The following SUFU variants were observed in gnomAD, a reference collection of about 807,000 sequenced individuals.
SUFU encodes the protein SUFU negative regulator of hedgehog signaling.
SUFU carries 7 observed loss-of-function variants against 58.9 expected under a neutral mutation model. That is an observed-to-expected ratio of 0.12 (90% CI 0.07 to 0.22). The LOEUF (loss-of-function observed/expected upper bound fraction) is 0.22. Ranked by LOEUF, SUFU falls within the 10% of genes least tolerant of loss-of-function variation. The pLI, the probability that SUFU is intolerant of heterozygous loss-of-function variation, is 1.00. For synonymous variants in SUFU, 232 were observed against 254.8 expected (o/e 0.91, Z 0.85); for missense variants, 451 against 641.3 (o/e 0.70, Z 3.20).
intron 10 of SUFU, among the ~76,000 whole-genome samples, chr10:102,621,833 G>A (rs1010600618): frequency 6.6e-6 from 1 of 152,188 alleles, no homozygotes; most frequent in African/African-American, 2.4e-5. Flanking sequence ...GGAAGGAGTG[G>A]GCATTGTCAG....
At chr10:102,518,515 GTCTGTCTA>G (rs1554842619) in intron 2 of SUFU, among the ~76,000 whole-genome samples, 3 of 114,226 alleles carry the variant, frequency 2.6e-5, no homozygotes, top group Non-Finnish European at 5.3e-5. Context: ...CTGTCTGTCT[GTCTGTCTA>G]TCTATCTATC....
At chr10:102,618,931 C>CGGGTGTGT (rs370307566) in intron 10 of SUFU, 2 of 535,024 alleles carry the variant, frequency 3.7e-6, no homozygotes, top group East Asian at 4.3e-5. Context: ...CCTCAGGTAG[C>CGGGTGTGT]GTGTGTGTGT....
chr10:102,555,593 C>G (rs2062967118), intron 3 of SUFU, among the ~76,000 whole-genome samples: 1 of 152,192 alleles, frequency 6.6e-6, no homozygotes, highest in African/African-American at 2.4e-5. Flanking sequence ...AAGTCTTAGG[C>G]AAATCAAACC....
chr10:102,505,613 G>C (rs923761835), intron 1 of SUFU, among the ~76,000 whole-genome samples: 1 of 152,216 alleles, frequency 6.6e-6, no homozygotes, highest in African/African-American at 2.4e-5. Context: ...GCTGAGGCCA[G>C]CTGCCCGCAT....
chr10:102,589,958 C>A (rs911549195), intron 3 of SUFU, among the ~76,000 whole-genome samples: 2 of 151,226 alleles, frequency 1.3e-5, no homozygotes, highest in African/African-American at 2.4e-5. Flanking sequence ...TATTCCAAAT[C>A]TGAGTTTTTT....
chr10:102,632,207 G>T lies in SUFU; in HGVS notation c.*2052G>T. ...CTGAGCTAAGCTTTGTCATTAGTTT[G>T]TGAAGCACCTGGTCAGCAACCTGCC... On this transcript the variant is annotated 3_prime_UTR_variant, in exon 12 of 12. Coordinates refer to ENST00000369902, the MANE Select transcript of SUFU (RefSeq NM_016169.4). The T allele has an allele frequency of 4.3e-6, 1 of 233,314 alleles. No individual in the cohort carries two copies. The highest frequency in any genetic ancestry group is 6.0e-5 in the East Asian group (1 of 16,596). The allele number at this position is 233,314 out of a possible 1,614,324, so 14.5% of individuals were successfully genotyped here.
chr10:102,619,441 T>C lies in SUFU; in HGVS notation c.1296+2013T>C. On this transcript the variant is annotated intron_variant, in intron 10 of 11. Coordinates refer to ENST00000369902, the MANE Select transcript of SUFU (RefSeq NM_016169.4). This position sits in a 1 kb window ranked among gnomAD's most constrained non-coding sequence, Gnocchi z 4.2. ...CTGGCCTCGGCATGTTTCAATAAAG[T>C]TGCTGTGCTGGGAGCTACTCAATCA... 1 of 1,310,576 alleles carries C rather than the reference T, an allele frequency of 7.6e-7. No individual in the cohort carries two copies. Among genetic ancestry groups the C allele is most frequent in the Non-Finnish European group, 9.8e-7 (1 of 1,022,044 alleles). The allele number at this position is 1,310,576 out of a possible 1,614,324, so 81.2% of individuals were successfully genotyped here. A position where few individuals can be genotyped will look rare whatever the true frequency, so the allele number is the denominator to read the frequency against.
Position 102,627,823 on chromosome 10 carries a change from C to T in SUFU, c.1365+580C>T, listed in dbSNP as rs183470967. ...GTGGCTGTGCCTTCTTTAGCTGCTC[C>T]TCTGGGGTAGAGGAATGGAGTCCAT... On this transcript the variant is annotated intron_variant, in intron 11 of 11. Coordinates refer to ENST00000369902, the MANE Select transcript of SUFU (RefSeq NM_016169.4). Among the ~76,000 whole-genome samples, 159 of 152,330 alleles carry T rather than the reference C, an allele frequency of 1.0e-3. 5 individuals carry two copies. The East Asian group carries it at 0.023, about 22-fold the overall frequency.
intron 6 of SUFU, among the ~76,000 whole-genome samples, chr10:102,594,498 G>GACCA (rs2063440334): frequency 6.6e-6 from 1 of 152,020 alleles, no homozygotes; most frequent in Non-Finnish European, 1.5e-5. Context: ...CAGGAGTGAG[G>GACCA]GCTGATTGGT....
chr10:102,546,320 C>A (rs903554046), intron 2 of SUFU, among the ~76,000 whole-genome samples: 2 of 152,030 alleles, frequency 1.3e-5, no homozygotes, highest in African/African-American at 4.8e-5. Flanking sequence ...CAGTTAGAAC[C>A]CCTTACCCCC....
At chr10:102,525,576 C>T (rs2062600273) in intron 2 of SUFU, among the ~76,000 whole-genome samples, 2 of 152,190 alleles carry the variant, frequency 1.3e-5, no homozygotes, top group Non-Finnish European at 2.9e-5. Flanking sequence ...GATCTCAGTT[C>T]ACTGCAACCT....
rs145082320 is a variant in SUFU, at chr10:102,599,534, G to A, written c.1012G>A (p.Asp338Asn). 2 of 1,614,072 alleles carry A rather than the reference G, an allele frequency of 1.2e-6. No homozygotes were observed. Among genetic ancestry groups the A allele is most frequent in the Non-Finnish European group, 1.7e-6 (2 of 1,179,974 alleles). The change falls in exon 8 of 12, where the codon GAC becomes AAC. Residue 338 changes from aspartate to asparagine, a missense_variant. Asp to Asn is a conservative substitution (Grantham distance 23, BLOSUM62 1). Transcript: ENST00000369902. ...TCAGCGGCAGAATGGCCTCGCCCAC[G>A]ACCGGGCCCCGTAAGTTCCCCAGTG... ...NPQRQNGLAHDRAPSRKDSLE... is the reference protein window; with the variant it reads ...NPQRQNGLAHNRAPSRKDSLE...
chr10:102,531,957 A>T (rs988529308), intron 2 of SUFU, among the ~76,000 whole-genome samples: 1 of 132,152 alleles, frequency 7.6e-6, no homozygotes, highest in African/African-American at 3.0e-5. Flanking sequence ...TTCCTGTGAG[A>T]ACTTTTTTTT....
chr10:102,597,569 A>G (rs544009393), intron 7 of SUFU, among the ~76,000 whole-genome samples: 2 of 152,324 alleles, frequency 1.3e-5, no homozygotes, highest in African/African-American at 4.8e-5. Context: ...GAGGTCATGG[A>G]GGTGAGTGGA....
At chr10:102,512,577 C>A (rs1038634406) in intron 2 of SUFU, among the ~76,000 whole-genome samples, 1 of 152,180 alleles carries the variant, frequency 6.6e-6, no homozygotes, top group African/African-American at 2.4e-5. Context: ...TATCCTCTTA[C>A]ATGTGTTTCA....
chr10:102,612,052 T>C (rs894322604), intron 8 of SUFU, among the ~76,000 whole-genome samples: 3 of 152,240 alleles, frequency 2.0e-5, no homozygotes, highest in Admixed American at 1.3e-4. Flanking sequence ...CTGACAACCA[T>C]GCAAAACATT....
intron 3 of SUFU, among the ~76,000 whole-genome samples, chr10:102,571,518 A>AAACAAAAC (rs1353409746): frequency 1.4e-5 from 2 of 147,118 alleles, no homozygotes; most frequent in East Asian, 2.0e-4. Context: ...ACAAACAAAC[A>AAACAAAAC]AAACAAACAA....
At chr10:102,594,221 C>T (rs541647541) in intron 6 of SUFU, among the ~76,000 whole-genome samples, 156 bp downstream of exon 6, 15 of 152,250 alleles carry the variant, frequency 9.9e-5, no homozygotes, top group Admixed American at 9.1e-4. Flanking sequence ...CTGCAGAGCA[C>T]GTAGGGAGCA....
intron 9 of SUFU, among the ~76,000 whole-genome samples, chr10:102,616,418 C>T (rs1006413029): frequency 6.6e-6 from 1 of 152,220 alleles, no homozygotes; most frequent in South Asian, 2.1e-4. Context: ...TGAAGGGTAA[C>T]TAGCCTTGGC....
Sources: gnomAD v4.1 joint callset for allele counts (sites outside exome capture counted in the v4.1 genomes callset) on GRCh38, gnomAD v4.1.1 for gene constraint, Gnocchi (gnomAD v3.1) non-coding constraint, MANE v1.5 for transcripts, NCBI Gene and HGNC (gene_info 2026-07-23, HGNC 2026-07-21) for gene names.